Variants in OBP2B observed in about 807,000 individuals in gnomAD.
The protein encoded by OBP2B is odorant binding protein 2B.
In OBP2B, 10 loss-of-function variants were observed where a neutral mutation model predicts 21.7. The ratio of observed to expected loss-of-function variants is 0.46; its 90% confidence interval spans 0.28 to 0.78. The LOEUF (loss-of-function observed/expected upper bound fraction) is 0.78. Among genes scored for constraint, OBP2B ranks in the 30% least tolerant of loss-of-function variants. The probability of loss-of-function intolerance (pLI) is 0.11; values close to 1 mark genes in which losing one functional copy is unlikely to be tolerated. For missense variants in OBP2B, 153 were observed against 217.7 expected, an observed-to-expected ratio of 0.70 and a Z score of 1.87; for synonymous variants, 73 against 91.5, an observed-to-expected ratio of 0.80 and a Z score of 1.16.
In OBP2B at chr9:133,207,335, A is replaced by G; in HGVS notation, c.279T>C (p.Tyr93=). 2.5e-6 allele frequency: 4 copies of G among 1,600,338 alleles called. No homozygotes were observed. Among genetic ancestry groups the G allele is most frequent in the Non-Finnish European group, 3.4e-6 (4 of 1,167,964 alleles). ...KTEEPGKYSA[Y]GGRKLMYLQE... Reference sequence around the variant, plus strand: ...GCAGGTACATGAGCTTCCTGCCCCCATCTGTAGATGACAGAGAAAATGGGT... The same window carrying G: ...GCAGGTACATGAGCTTCCTGCCCCCGTCTGTAGATGACAGAGAAAATGGGT... The change falls in exon 4 of 7, where the codon TAT becomes TAC. Residue 93 remains tyrosine, a splice_region_variant and synonymous_variant. Coordinates refer to ENST00000372034, the MANE Select transcript of OBP2B (RefSeq NM_014581.4).
At chr9:133,214,860 T>C in the OBP2B span, among the ~76,000 whole-genome samples, 1 of 152,212 alleles carries the variant, frequency 6.6e-6, no homozygotes, top group Non-Finnish European at 1.5e-5. Flanking sequence ...GGCAAGGATG[T>C]CCACTTTCAC....
At chr9:133,207,684 ATCCCTAACCCTCG>A (rs1833780515) in intron 3 of OBP2B, among the ~76,000 whole-genome samples, 1 of 138,754 alleles carries the variant, frequency 7.2e-6, no homozygotes, top group African/African-American at 3.1e-5. Context: ...CGGCCTCCCC[ATCCCTAACCCTCG>A]GCCTCCTCAT....
At chr9:133,206,892 G>C (rs1397883911) in intron 4 of OBP2B, among the ~76,000 whole-genome samples, 2 of 151,978 alleles carry the variant, frequency 1.3e-5, no homozygotes, top group Non-Finnish European at 2.9e-5. Context: ...CAGAGGCACC[G>C]GCCACCCTCC....
chr9:133,206,098 TCGCAGCCCAGAGC>T (rs1363521374), intron 5 of OBP2B, among the ~76,000 whole-genome samples, 158 bp from the exon 6 acceptor site: 185 of 149,576 alleles, frequency 1.2e-3, no homozygotes, highest in South Asian at 2.3e-3. Flanking sequence ...CCAGACCCCA[TCGCAGCCCAGAGC>T]GCGGAGCCCC....
At chr9:133,217,632 A>ACACTTGCAGGCTTCCCAGCCC in the OBP2B span, among the ~76,000 whole-genome samples, 3 of 152,040 alleles carry the variant, frequency 2.0e-5, no homozygotes, top group Admixed American at 2.0e-4. Context: ...GTTCCCAGTG[A>ACACTTGCAGGCTTCCCAGCCC]CTCTTGCAGG....
chr9:133,208,052 G>C, intron 3 of OBP2B, 81 bp downstream of exon 3: 3 of 1,509,822 alleles, frequency 2.0e-6, no homozygotes, highest in Non-Finnish European at 2.7e-6. Flanking sequence ...AGGGCAGCCT[G>C]GGCACTCTCT....
upstream of OBP2B, among the ~76,000 whole-genome samples, chr9:133,210,082 T>C (rs1297791103): frequency 2.6e-5 from 4 of 152,144 alleles, no homozygotes; most frequent in African/African-American, 9.7e-5. Flanking sequence ...ACAAGTCGCA[T>C]GAGGCACCAA....
At chr9:133,213,193 T>C (rs1325717232), upstream of OBP2B, among the ~76,000 whole-genome samples, 1 of 152,166 alleles carries the variant, frequency 6.6e-6, no homozygotes, top group East Asian at 1.9e-4. Context: ...TGAGCCAAGA[T>C]AGTGCCACTG....
At chr9:133,219,335 C>A in the OBP2B span, among the ~76,000 whole-genome samples, 3 of 152,168 alleles carry the variant, frequency 2.0e-5, no homozygotes, top group Non-Finnish European at 4.4e-5. Flanking sequence ...AGACAAGATA[C>A]AGAACGTGAG....
intron 3 of OBP2B, 115 bp downstream of exon 3, chr9:133,208,018 G>T: frequency 1.3e-6 from 2 of 1,504,024 alleles, no homozygotes; most frequent in South Asian, 2.4e-5. Flanking sequence ...CCTTGGAGGT[G>T]GGCAGAGCTG....
At position 133,205,492 on chromosome 9, in the gene OBP2B, T is replaced by G. The variant is rs1833674198; in HGVS notation, c.*2-81A>C. 3 of 969,708 alleles carry G rather than the reference T, an allele frequency of 3.1e-6. No individual in the cohort carries two copies. The Admixed American group carries it at 8.3e-5, about 27-fold the overall frequency. The allele number at this position is 969,708 out of a possible 1,614,324, so 60.1% of individuals were successfully genotyped here. A position where few individuals can be genotyped will look rare whatever the true frequency, so the allele number is the denominator to read the frequency against. On this transcript the variant is annotated intron_variant, in intron 6 of 6. Coordinates refer to ENST00000372034, the MANE Select transcript of OBP2B (RefSeq NM_014581.4). ...GGGCCAGAGCTCCCTCCCCAGGCTC[T>G]GCAGCCCCCACATCGGCCACTGCTG...
rs1833714836 is a variant in OBP2B at position 133,206,428 on chromosome 9, G to A, written c.389-12C>T. The A allele has an allele frequency of 6.2e-7, 1 of 1,613,514 alleles. No homozygotes were observed. Among genetic ancestry groups the A allele is most frequent in the Non-Finnish European group, 8.5e-7 (1 of 1,179,514 alleles). ...ATCAGAATTCCTACCTGCAGGTGAG[G>A]TGGCCAGGTGAGCCGACGTGGGGAC... On this transcript the variant is annotated splice_polypyrimidine_tract_variant and intron_variant, in intron 4 of 6. Coordinates refer to ENST00000372034, the MANE Select transcript of OBP2B (RefSeq NM_014581.4).
At chr9:133,219,823 C>T in the OBP2B span, among the ~76,000 whole-genome samples, 2 of 152,166 alleles carry the variant, frequency 1.3e-5, no homozygotes, top group African/African-American at 4.8e-5. Context: ...AACATTTATG[C>T]ACAAATGTCC....
upstream of OBP2B, among the ~76,000 whole-genome samples, chr9:133,210,721 C>T (rs569103880): frequency 1.2e-4 from 19 of 152,208 alleles, no homozygotes; most frequent in Non-Finnish European, 2.2e-4. Flanking sequence ...ATGAGGTCCA[C>T]GCTCAGTGCG....
At chr9:133,209,839 G>A (rs1191152728), upstream of OBP2B, among the ~76,000 whole-genome samples, 19 of 152,006 alleles carry the variant, frequency 1.2e-4, no homozygotes, top group Admixed American at 1.2e-3. The surrounding 1 kb of genome is among the most constrained non-coding windows in gnomAD (Gnocchi z 6.0). Flanking sequence ...GTTTATATAC[G>A]GCCTCCTCGG....
the OBP2B span, among the ~76,000 whole-genome samples, chr9:133,222,894 A>C: frequency 6.6e-6 from 1 of 151,704 alleles, no homozygotes; most frequent in East Asian, 1.9e-4. Context: ...AGCACTCTGT[A>C]ACTCTTCACC....
chr9:133,208,093 G>T (rs782627329), intron 3 of OBP2B, 40 bp downstream of exon 3: 1 of 1,534,974 alleles, frequency 6.5e-7, no homozygotes, highest in South Asian at 1.2e-5. Context: ...TGGGGTTGGC[G>T]GTGGGGGAGG....
At chr9:133,216,012 G>T in the OBP2B span, among the ~76,000 whole-genome samples, 1 of 152,096 alleles carries the variant, frequency 6.6e-6, no homozygotes, top group Non-Finnish European at 1.5e-5. Flanking sequence ...AAAATCTTTG[G>T]GATATGGAGC....
the OBP2B span, among the ~76,000 whole-genome samples, chr9:133,222,045 A>C: frequency 2.6e-4 from 40 of 152,202 alleles, no homozygotes; most frequent in Middle Eastern, 3.5e-3. Context: ...GCAGTTGTGT[A>C]GGGGTGGATT....
Sources: allele counts gnomAD v4.1 joint callset (sites outside exome capture counted in the v4.1 genomes callset), GRCh38; gene constraint gnomAD v4.1.1; non-coding constraint Gnocchi (gnomAD v3.1); transcripts MANE v1.5; gene names NCBI Gene and HGNC (gene_info 2026-07-23, HGNC 2026-07-21).